ENG: variants seen among roughly 807,000 people sequenced by gnomAD.
ENG encodes CD105 antigen.
ENG carries 17 observed loss-of-function variants against 71.0 expected under a neutral mutation model. The ratio of observed to expected loss-of-function variants is 0.24; its 90% CI spans 0.16 to 0.36. The LOEUF (loss-of-function observed/expected upper bound fraction) is 0.36, where lower values mean the gene tolerates loss of function less well. Among genes scored for constraint, ENG ranks in the 10% least tolerant of loss-of-function variants. The pLI is 1.00. For synonymous variants in ENG, 360 were observed against 366.9 expected (o/e 0.98, Z 0.21); for missense variants, 749 against 868.3 (o/e 0.86, Z 1.73).
intron 13 of ENG, 95 bp downstream of exon 13, chr9:127,817,054 T>A (rs1455102700): frequency 2.8e-6 from 4 of 1,421,374 alleles, no homozygotes; most frequent in Non-Finnish European, 4.0e-6. Context: ...CCTTGCCATG[T>A]GCTATGTGCC....
At chr9:127,830,449 T>C (rs556009657) in intron 2 of ENG, among the ~76,000 whole-genome samples, 1 of 149,782 alleles carries the variant, frequency 6.7e-6, no homozygotes, top group South Asian at 2.1e-4. Context: ...TCGAGACTAG[T>C]CTGTCCAACA....
In ENG at chr9:127,816,002, C is replaced by T; in HGVS notation, c.1793G>A (p.Gly598Asp). The change falls in exon 14 of 15, where the codon GGT (glycine) becomes GAT (aspartate). Residue 598 changes from glycine to aspartate, a missense_variant. Gly to Asp is a moderately conservative substitution (Grantham distance 94, BLOSUM62 -1). Coordinates refer to ENST00000373203, the MANE Select transcript of ENG (RefSeq NM_001114753.3). ...GAGCAGGGCCCCGATGAGGAAGGCA[C>T]CAAAGGTGATGCCCAGCACGGCGGG... ...VLPAVLGITF[G>D]AFLIGALLTA... 1 of 1,610,574 alleles carries T rather than the reference C, an allele frequency of 6.2e-7. No homozygotes were observed. Among genetic ancestry groups the T allele is most frequent in the Non-Finnish European group, 8.5e-7 (1 of 1,178,906 alleles).
chr9:127,820,701 C>T (rs1588577629), intron 8 of ENG, among the ~76,000 whole-genome samples: 2 of 151,520 alleles, frequency 1.3e-5, no homozygotes, highest in Admixed American at 6.6e-5. Context: ...TGGTGGCGGG[C>T]TCCCGTAGTC....
At chr9:127,825,107 C>T in intron 6 of ENG, 124 bp downstream of exon 6, 7 of 1,593,384 alleles carry the variant, frequency 4.4e-6, no homozygotes, top group Non-Finnish European at 6.0e-6. Flanking sequence ...GGCCCCTTCC[C>T]TCACGTATGG....
rs747984759 is a variant in ENG at position 127,854,588 on chromosome 9, G to C, written c.-233C>G. ...TGTCCGAAGGATGGGCGGGGAGGGG[G>C]TGCTGGGCTCCAATGGATGGCAGTG... On this transcript the variant is annotated 5_prime_UTR_variant, in exon 1 of 15. Transcript: ENST00000373203. 39 of 567,254 alleles carry C rather than the reference G, an allele frequency of 6.9e-5. No individual in the cohort carries two copies. The highest frequency in any genetic ancestry group is 1.2e-4 in the Non-Finnish European group (37 of 320,810). The allele number at this position is 567,254 out of a possible 1,614,324, so 35.1% of individuals were successfully genotyped here. A position where few individuals can be genotyped will look rare whatever the true frequency, so the allele number is the denominator to read the frequency against.
At position 127,846,331 on chromosome 9, in the gene ENG, G is replaced by A. The variant is rs1831167897; in HGVS notation, c.68-3086C>T. Among the ~76,000 whole-genome samples the A allele has an allele frequency of 6.6e-6, 1 of 152,198 alleles. No homozygotes were observed. The highest frequency in any genetic ancestry group is 6.5e-5 in the Admixed American group (1 of 15,276). On this transcript the variant is annotated intron_variant, in intron 1 of 14. Coordinates refer to ENST00000373203, the MANE Select transcript of ENG (RefSeq NM_001114753.3). This position sits in a 1 kb window ranked among gnomAD's most constrained non-coding sequence, Gnocchi z 5.5. ...TCAGATGGGGAGACTGAGGTCTGGAGGGACGGGACAGGTCAAAGTCTCACA... is the reference window on the plus strand; with the variant it reads ...TCAGATGGGGAGACTGAGGTCTGGAAGGACGGGACAGGTCAAAGTCTCACA...
At chr9:127,827,082 C>T in intron 3 of ENG, 1 of 202,820 alleles carries the variant, frequency 4.9e-6, no homozygotes, top group Non-Finnish European at 1.0e-5. Flanking sequence ...ACGTAGTACG[C>T]ACTGAGAGAG....
At chr9:127,847,649 C>T (rs574296583) in intron 1 of ENG, among the ~76,000 whole-genome samples, 32 of 152,200 alleles carry the variant, frequency 2.1e-4, no homozygotes, top group African/African-American at 3.1e-4. Flanking sequence ...GGGGTTTCGC[C>T]GTATTGCGCA....
chr9:127,847,203 C>G (rs2131926109), intron 1 of ENG: 1 of 152,690 alleles, frequency 6.5e-6, no homozygotes, highest in Middle Eastern at 3.4e-3. Flanking sequence ...CATGCACACT[C>G]CAGGAAACTG....
Position 127,825,947 on chromosome 9 carries a change from G to A in ENG, c.524-87C>T, listed in dbSNP as rs193276946. The A allele has an allele frequency of 3.3e-6, 5 of 1,519,878 alleles. No individual in the cohort carries two copies. The African/African-American group carries it at 4.1e-5, about 13-fold the overall frequency. 94.1% of individuals were successfully genotyped at this position (1,519,878 alleles called of 1,614,324 possible). A position where few individuals can be genotyped will look rare whatever the true frequency, so the allele number is the denominator to read the frequency against. ...CCCTCACCCACAGCCAAAGATAGTG[G>A]TGGGGCAGGCAGGACGGTGCTGCAG... On this transcript the variant is annotated intron_variant, in intron 4 of 14. Coordinates refer to ENST00000373203, the MANE Select transcript of ENG (RefSeq NM_001114753.3).
intron 1 of ENG, among the ~76,000 whole-genome samples, chr9:127,850,299 G>T (rs1431437680): frequency 6.6e-6 from 1 of 152,252 alleles, no homozygotes; most frequent in Non-Finnish European, 1.5e-5. Flanking sequence ...AGGCAAGGAG[G>T]AGCTGGCATT....
At chr9:127,847,581 CTGAG>C (rs1462627237) in intron 1 of ENG, among the ~76,000 whole-genome samples, 2 of 152,100 alleles carry the variant, frequency 1.3e-5, no homozygotes, top group Non-Finnish European at 2.9e-5. Context: ...CCTCAGCCTC[CTGAG>C]TAACTACAAG....
intron 5 of ENG, 139 bp from the exon 6 acceptor site, chr9:127,825,496 G>A (rs1052553896): frequency 6.9e-7 from 1 of 1,443,378 alleles, no homozygotes. Context: ...CTGGGGCCAG[G>A]CTTGTGCCCA....
At chr9:127,835,846 G>C (rs11792480) in intron 2 of ENG, among the ~76,000 whole-genome samples, 2 of 152,080 alleles carry the variant, frequency 1.3e-5, no homozygotes, top group South Asian at 4.1e-4. Context: ...CTGGAACTTC[G>C]GAATGTTTCT....
intron 13 of ENG, chr9:127,816,339 G>T: frequency 3.9e-6 from 2 of 513,330 alleles, no homozygotes; most frequent in Non-Finnish European, 7.1e-6. Context: ...GATGGATGGG[G>T]TAACGTGAGG....
chr9:127,826,641 G>T lies in ENG; in HGVS notation c.392C>A (p.Pro131Gln), dbSNP rs139398993. The change falls in exon 4 of 15, where the codon CCG (proline) becomes CAG (glutamine). Residue 131 changes from proline to glutamine, a missense_variant. Transcript: ENST00000373203. ...NSSLVTFQEP[P>Q]GVNTTELPSF... ...TGGCAGCTCTGTGGTGTTGACCCCCGGGGGCTCTTGGAAGGTGACCAGGCT... is the reference window on the plus strand; with the variant it reads ...TGGCAGCTCTGTGGTGTTGACCCCCTGGGGCTCTTGGAAGGTGACCAGGCT... 6.2e-6 allele frequency: 10 copies of T among 1,613,716 alleles called. No individual in the cohort carries two copies. The highest frequency in any genetic ancestry group is 8.5e-6 in the Non-Finnish European group (10 of 1,179,980).
chr9:127,828,471 A>G (rs1188945866), intron 3 of ENG, among the ~76,000 whole-genome samples: 2 of 152,182 alleles, frequency 1.3e-5, no homozygotes, highest in Non-Finnish European at 2.9e-5. Flanking sequence ...CCCAGGAGGA[A>G]GGCGGCGCGG....
At chr9:127,820,282 C>T (rs1588577271) in intron 8 of ENG, among the ~76,000 whole-genome samples, 1 of 152,110 alleles carries the variant, frequency 6.6e-6, no homozygotes, top group African/African-American at 2.4e-5. Flanking sequence ...CAACCTCCAC[C>T]TCCTGGGTTC....
chr9:127,829,477 C>G (rs1418160464), intron 3 of ENG, among the ~76,000 whole-genome samples: 1 of 152,194 alleles, frequency 6.6e-6, no homozygotes, highest in Non-Finnish European at 1.5e-5. Flanking sequence ...ACCTCTTGGT[C>G]TAGACTCTTT....
Sources: gnomAD v4.1 joint callset for allele counts (sites outside exome capture counted in the v4.1 genomes callset) on GRCh38, gnomAD v4.1.1 for gene constraint, Gnocchi (gnomAD v3.1) non-coding constraint, MANE v1.5 for transcripts, NCBI Gene and HGNC (gene_info 2026-07-23, HGNC 2026-07-21) for gene names.